The following CDKAL1 variants were observed in gnomAD, a reference collection of about 807,000 sequenced individuals.
The protein encoded by CDKAL1 is threonylcarbamoyladenosine tRNA methylthiotransferase.
CDKAL1 carries 32 observed loss-of-function variants against 68.2 expected under a neutral mutation model. The ratio of observed to expected loss-of-function variants is 0.47; its 90% CI spans 0.35 to 0.63. CDKAL1 has a LOEUF of 0.63. Among genes scored for constraint, CDKAL1 ranks in the 30% least tolerant of loss-of-function variants. The pLI, the probability that CDKAL1 is intolerant of heterozygous loss-of-function variation, is 0.00. For missense variants in CDKAL1, 606 were observed against 696.7 expected (o/e 0.87, Z 1.47); for synonymous variants, 234 against 244.3 (o/e 0.96, Z 0.39).
chr6:20,603,555 G>C (rs1766197701), intron 4 of CDKAL1, among the ~76,000 whole-genome samples: 1 of 152,078 alleles, frequency 6.6e-6, no homozygotes, highest in Admixed American at 6.6e-5. Context: ...TTTGAGCCTA[G>C]TTTATAAGTG....
chr6:20,964,631 A>G (rs1029627922), intron 10 of CDKAL1, among the ~76,000 whole-genome samples: 3 of 152,106 alleles, frequency 2.0e-5, no homozygotes, highest in African/African-American at 7.2e-5. Flanking sequence ...GGAACAACAC[A>G]CACTGGGGCC....
chr6:20,790,854 GGGA>G (rs1775869998), intron 8 of CDKAL1, among the ~76,000 whole-genome samples: 3 of 152,146 alleles, frequency 2.0e-5, no homozygotes, highest in Admixed American at 6.5e-5. Context: ...TCTCAGAATG[GGGA>G]GTGCATGCTG....
At chr6:20,927,315 A>C (rs1456327366) in intron 9 of CDKAL1, among the ~76,000 whole-genome samples, 6 of 152,172 alleles carry the variant, frequency 3.9e-5, no homozygotes, top group Admixed American at 2.6e-4. Context: ...GAAAGTTCAC[A>C]ATGTCTGATA....
At chr6:20,829,427 C>T (rs191445986) in intron 8 of CDKAL1, among the ~76,000 whole-genome samples, 35 of 152,188 alleles carry the variant, frequency 2.3e-4, no homozygotes, top group African/African-American at 7.7e-4. Flanking sequence ...AGATTCATTT[C>T]GATTCCTATA....
intron 4 of CDKAL1, among the ~76,000 whole-genome samples, chr6:20,634,411 C>T (rs1295283678): frequency 6.6e-6 from 1 of 151,894 alleles, no homozygotes; most frequent in African/African-American, 2.4e-5. Context: ...TCTTATTGAC[C>T]CAGTTTTCAA....
At chr6:21,088,679 C>T (rs1031150998) in intron 12 of CDKAL1, among the ~76,000 whole-genome samples, 2 of 152,204 alleles carry the variant, frequency 1.3e-5, no homozygotes, top group Non-Finnish European at 2.9e-5. Context: ...TGGTGACTCA[C>T]ACCTGTAATC....
At chr6:20,654,379 C>T (rs1230071360) in intron 5 of CDKAL1, among the ~76,000 whole-genome samples, 4 of 151,230 alleles carry the variant, frequency 2.6e-5, no homozygotes, top group African/African-American at 7.3e-5. Context: ...ATATTATACA[C>T]GTTGCAAATA....
At chr6:20,673,309 T>G (rs1344511047) in intron 5 of CDKAL1, among the ~76,000 whole-genome samples, 1 of 152,228 alleles carries the variant, frequency 6.6e-6, no homozygotes, top group Non-Finnish European at 1.5e-5. Context: ...ATTGCTCAAG[T>G]GCCTGATATT....
intron 6 of CDKAL1, among the ~76,000 whole-genome samples, chr6:20,750,224 T>G (rs572230070): frequency 6.6e-6 from 1 of 152,200 alleles, no homozygotes; most frequent in Admixed American, 6.5e-5. Flanking sequence ...TGCAGGCACA[T>G]GCCACCACAC....
chr6:20,606,273 A>C (rs1766329552), intron 4 of CDKAL1, among the ~76,000 whole-genome samples: 1 of 152,244 alleles, frequency 6.6e-6, no homozygotes, highest in Non-Finnish European at 1.5e-5. Flanking sequence ...TAGAAAGTTA[A>C]AAAAATTTTT....
chr6:20,765,133 A>C, intron 7 of CDKAL1, among the ~76,000 whole-genome samples: 1 of 94,024 alleles, frequency 1.1e-5, no homozygotes, highest in Non-Finnish European at 2.0e-5. Context: ...TTGCAAAGGT[A>C]ATGGTTACAT....
chr6:20,549,858 C>G (rs899539517), intron 4 of CDKAL1, among the ~76,000 whole-genome samples: 8 of 152,100 alleles, frequency 5.3e-5, no homozygotes, highest in Non-Finnish European at 1.2e-4. Flanking sequence ...CCACTCGCCT[C>G]GGCCTCCCAA....
At chr6:20,552,387 G>A (rs575056946) in intron 4 of CDKAL1, among the ~76,000 whole-genome samples, 327 of 151,198 alleles carry the variant, frequency 2.2e-3, no homozygotes, top group African/African-American at 7.7e-3. Flanking sequence ...AAAACATAAG[G>A]AAAATCAGAT....
chr6:20,942,601 A>G (rs1418812670), intron 9 of CDKAL1, among the ~76,000 whole-genome samples: 3 of 149,902 alleles, frequency 2.0e-5, no homozygotes, highest in Admixed American at 1.3e-4. Context: ...TCCCAACCTC[A>G]GGTGATCTGC....
intron 9 of CDKAL1, among the ~76,000 whole-genome samples, chr6:20,890,007 G>GC (rs1227679035): frequency 6.6e-6 from 1 of 152,010 alleles, no homozygotes; most frequent in African/African-American, 2.4e-5. Flanking sequence ...TCCTGCCTCG[G>GC]CCCCCCAAAG....
intron 13 of CDKAL1, among the ~76,000 whole-genome samples, chr6:21,174,861 T>C (rs1582357555): frequency 2.0e-5 from 3 of 152,188 alleles, no homozygotes. Flanking sequence ...TAGCTTAAAA[T>C]TGGAAACAAG....
chr6:20,547,872 T>C (rs1763665862), intron 3 of CDKAL1, among the ~76,000 whole-genome samples: 2 of 152,188 alleles, frequency 1.3e-5, no homozygotes, highest in Non-Finnish European at 2.9e-5. Context: ...CTGTAAGTTT[T>C]AAGGAAGCTA....
chr6:20,834,104 G>A (rs529478793), intron 8 of CDKAL1, among the ~76,000 whole-genome samples: 1 of 152,278 alleles, frequency 6.6e-6, no homozygotes, highest in South Asian at 2.1e-4. Context: ...GCTCCCTTAA[G>A]TGGACTAAGT....
chr6:20,852,835 A>T (rs1759093095), intron 9 of CDKAL1, among the ~76,000 whole-genome samples: 1 of 152,206 alleles, frequency 6.6e-6, no homozygotes, highest in Non-Finnish European at 1.5e-5. Flanking sequence ...GGCCCTGTTT[A>T]ATGAGGCCTT....
Sources: allele counts gnomAD v4.1 joint callset (sites outside exome capture counted in the v4.1 genomes callset), GRCh38; gene constraint gnomAD v4.1.1; transcripts MANE v1.5; gene names NCBI Gene and HGNC (gene_info 2026-07-23, HGNC 2026-07-21).